RANBP2: variants seen among roughly 807,000 people sequenced by gnomAD.
The protein encoded by RANBP2 is RAN binding protein 2.
RANBP2 carries 57 observed loss-of-function variants against 303.6 expected under a neutral mutation model. The observed-to-expected ratio is 0.19, with a 90% CI of 0.15 to 0.23. The LOEUF (loss-of-function observed/expected upper bound fraction) is 0.23, where lower values mean the gene tolerates loss of function less well. RANBP2 is among the 10% of genes least tolerant of loss of function. The pLI is 1.00. For synonymous variants in RANBP2, 1,167 were observed against 1,301.5 expected (o/e 0.90, Z 2.23); for missense variants, 3,138 against 3,780.8 (o/e 0.83, Z 4.46).
chr2:109,183,450 C>T, the RANBP2 span, among the ~76,000 whole-genome samples: 1 of 152,134 alleles, frequency 6.6e-6, no homozygotes, highest in African/African-American at 2.4e-5. Flanking sequence ...TAGTTCAACT[C>T]CCACACAGTA....
chr2:109,090,944 C>T, the RANBP2 span, among the ~76,000 whole-genome samples: 1 of 152,098 alleles, frequency 6.6e-6, no homozygotes, highest in Non-Finnish European at 1.5e-5. Flanking sequence ...TCCATGCCAC[C>T]TCACTCTGAT....
chr2:109,221,512 G>A, the RANBP2 span, among the ~76,000 whole-genome samples: 153 of 151,372 alleles, frequency 1.0e-3, 1 homozygote, highest in African/African-American at 3.6e-3. Flanking sequence ...AACCTGGGAG[G>A]CAGAGGCTGC....
At chr2:108,724,524 G>C (rs1214383248) in intron 1 of RANBP2, among the ~76,000 whole-genome samples, 10 of 152,068 alleles carry the variant, frequency 6.6e-5, no homozygotes, top group Admixed American at 2.6e-4. Flanking sequence ...TTAGGAGTCC[G>C]ATGAGATTCT....
the RANBP2 span, chr2:108,894,959 T>C: frequency 6.6e-6 from 1 of 152,244 alleles, no homozygotes; most frequent in African/African-American, 2.4e-5. Context: ...CAAGCTGTTA[T>C]CCTGGAATGG....
the RANBP2 span, among the ~76,000 whole-genome samples, chr2:109,297,325 C>T: frequency 6.6e-6 from 1 of 152,126 alleles, no homozygotes; most frequent in Non-Finnish European, 1.5e-5. Flanking sequence ...CGATGAGACC[C>T]TTTGCTCAGT....
At chr2:108,839,385 A>G in the RANBP2 span, 4 of 1,166,128 alleles carry the variant, frequency 3.4e-6, no homozygotes, top group East Asian at 9.8e-5. Context: ...TCTGTTTTGA[A>G]TATATTCTCT....
At chr2:108,971,841 C>T in the RANBP2 span, among the ~76,000 whole-genome samples, 3 of 152,240 alleles carry the variant, frequency 2.0e-5, no homozygotes, top group African/African-American at 7.2e-5. Flanking sequence ...TCGTTTCTAG[C>T]CAACAGAAAA....
the RANBP2 span, chr2:108,929,477 C>T: frequency 1.6e-6 from 2 of 1,283,574 alleles, no homozygotes; most frequent in East Asian, 4.7e-5. Context: ...CCAGCTGTCT[C>T]CAGAAGCTAC....
At chr2:108,862,077 G>T in the RANBP2 span, among the ~76,000 whole-genome samples, 6 of 141,378 alleles carry the variant, frequency 4.2e-5, no homozygotes, top group African/African-American at 1.0e-4. Flanking sequence ...TATGATTTCA[G>T]TTTTTTTTTT....
the RANBP2 span, among the ~76,000 whole-genome samples, chr2:109,268,368 A>T: frequency 6.6e-6 from 1 of 151,766 alleles, no homozygotes; most frequent in Non-Finnish European, 1.5e-5. Context: ...CTTAGTGGGG[A>T]TGTCCGTTTC....
At chr2:109,615,280 T>C in the RANBP2 span, 1 of 1,588,416 alleles carries the variant, frequency 6.3e-7, no homozygotes, top group Non-Finnish European at 8.6e-7. Context: ...TCCGTGACGC[T>C]GGACCCCCTG....
At chr2:108,772,675 T>G in intron 22 of RANBP2, 94 bp downstream of exon 22, 1 of 1,318,974 alleles carries the variant, frequency 7.6e-7, no homozygotes, top group African/African-American at 1.5e-5. Context: ...ATTATCGATT[T>G]TACGATGCCC....
the RANBP2 span, among the ~76,000 whole-genome samples, chr2:109,241,668 C>T: frequency 3.5e-4 from 54 of 152,192 alleles, 2 homozygotes; most frequent in East Asian, 9.7e-3. Context: ...GGTGAGGGTT[C>T]GGCAGTTCTC....
At chr2:108,811,245 C>CTTTTTTTTTTTTTTTTTTT in the RANBP2 span, among the ~76,000 whole-genome samples, 22 of 109,608 alleles carry the variant, frequency 2.0e-4, no homozygotes, top group African/African-American at 8.4e-4. Flanking sequence ...CTTTCTCTCT[C>CTTTTTTTTTTTTTTTTTTT]TCTTTTTTTT....
chr2:108,861,673 G>A, the RANBP2 span, among the ~76,000 whole-genome samples: 4 of 151,858 alleles, frequency 2.6e-5, no homozygotes, highest in African/African-American at 9.7e-5. Flanking sequence ...TAGAGACAGG[G>A]TTTCACCATA....
At chr2:109,268,290 A>G in the RANBP2 span, among the ~76,000 whole-genome samples, 1 of 151,592 alleles carries the variant, frequency 6.6e-6, no homozygotes, top group African/African-American at 2.4e-5. Context: ...TCTGGGCTCC[A>G]GGTGGGATTG....
chr2:109,016,108 G>A, the RANBP2 span, among the ~76,000 whole-genome samples: 17 of 149,814 alleles, frequency 1.1e-4, no homozygotes, highest in African/African-American at 3.9e-4. Flanking sequence ...TTGAGACGGA[G>A]TTTCGCTCTG....
the RANBP2 span, among the ~76,000 whole-genome samples, chr2:109,396,974 G>A: frequency 6.6e-6 from 1 of 152,146 alleles, no homozygotes; most frequent in South Asian, 2.1e-4. Flanking sequence ...GCTGAGTCCC[G>A]TTTTTCCCAT....
the RANBP2 span, among the ~76,000 whole-genome samples, chr2:109,726,286 G>A: frequency 5.3e-5 from 8 of 151,814 alleles, no homozygotes; most frequent in South Asian, 6.3e-4. Context: ...CTTGCACGCC[G>A]GTAGTCCCAG....
Sources: gnomAD v4.1 joint callset for allele counts (sites outside exome capture counted in the v4.1 genomes callset) on GRCh38, gnomAD v4.1.1 for gene constraint, MANE v1.5 for transcripts, NCBI Gene and HGNC (gene_info 2026-07-23, HGNC 2026-07-21) for gene names.